HMCN1: variants seen among roughly 807,000 people sequenced by gnomAD.
The protein encoded by HMCN1 is hemicentin 1, also known as hemicentin-1.
Under a neutral mutation model 625.9 loss-of-function variants are expected in HMCN1, and 321 were observed. The ratio of observed to expected loss-of-function variants is 0.51; its 90% CI spans 0.47 to 0.56. The LOEUF is 0.56. HMCN1 is among the 20% of genes least tolerant of loss of function. HMCN1 has a pLI of 0.00. For missense variants in HMCN1, 6,588 were observed against 6,887.3 expected, an observed-to-expected ratio of 0.96 and a Z score of 1.54; for synonymous variants, 2,425 against 2,417.6, an observed-to-expected ratio of 1.00 and a Z score of -0.09.
At chr1:185,797,382 G>T (rs1183872922) in intron 1 of HMCN1, among the ~76,000 whole-genome samples, 2 of 152,184 alleles carry the variant, frequency 1.3e-5, no homozygotes, top group Non-Finnish European at 2.9e-5. Context: ...TCAGATCAAT[G>T]TAACCTCAAA....
intron 42 of HMCN1, among the ~76,000 whole-genome samples, chr1:186,049,721 T>G (rs114034207): frequency 6.6e-6 from 1 of 152,210 alleles, no homozygotes; most frequent in African/African-American, 2.4e-5. Context: ...ATTTATAGTT[T>G]ATTCACATAT....
intron 1 of HMCN1, among the ~76,000 whole-genome samples, chr1:185,768,920 A>G (rs1030184591): frequency 8.5e-5 from 13 of 152,230 alleles, no homozygotes; most frequent in Admixed American, 2.0e-4. Flanking sequence ...CTTCTAGTAG[A>G]AAAGACGAAA....
intron 4 of HMCN1, among the ~76,000 whole-genome samples, chr1:185,879,758 T>C (rs1483247986): frequency 6.6e-6 from 1 of 152,116 alleles, no homozygotes; most frequent in Non-Finnish European, 1.5e-5. Context: ...GGCAAGTTCA[T>C]TGGTTGGCCT....
At chr1:185,997,291 C>T (rs1652856260) in intron 24 of HMCN1, 138 bp from the exon 25 acceptor site, 1 of 693,760 alleles carries the variant, frequency 1.4e-6, no homozygotes, top group Admixed American at 2.1e-5. Context: ...AAATGTTTGG[C>T]AACTGGAAAT....
At position 186,103,382 on chromosome 1, in the gene HMCN1, G is replaced by A. The variant is rs1445697893; in HGVS notation, c.10574-90G>A. ...TCTAATCAATTTTTATCATGTGAAT[G>A]TGAATTTGTGTTGGATTTTCAAGTT... On this transcript the variant is annotated intron_variant, in intron 68 of 106. Transcript: ENST00000271588. 1.1e-5 allele frequency: 11 copies of A among 1,012,222 alleles called. No individual in the cohort carries two copies. In the East Asian group the frequency reaches 2.4e-4, roughly 23 times the overall value. The allele number at this position is 1,012,222 out of a possible 1,614,324, so 62.7% of individuals were successfully genotyped here.
Position 186,145,409 on chromosome 1 carries a change from G to A in HMCN1, c.14273G>A (p.Gly4758Asp). 1 of 1,575,206 alleles carries A rather than the reference G, an allele frequency of 6.3e-7. No individual in the cohort carries two copies. The highest frequency in any genetic ancestry group is 8.6e-7 in the Non-Finnish European group (1 of 1,161,536). ...FCNSDPCPTH[G>D]NWSPWSGWGT... ...AGATTATTCTGTCTTGTAGCCCATG[G>A]TAACTGGAGTCCTTGGAGTGGCTGG... is the stretch of plus-strand genomic sequence containing the variant. The change falls in exon 92 of 107, where the codon GGT (glycine) becomes GAT (aspartate). Residue 4758 changes from glycine to aspartate, a missense_variant. Gly to Asp is a moderately conservative substitution (Grantham distance 94). This residue lies in a region of HMCN1 where 1,954 missense variants were observed against 2,013.1 expected (regional missense o/e 0.97). Transcript: ENST00000271588.
intron 1 of HMCN1, among the ~76,000 whole-genome samples, chr1:185,819,070 C>T (rs1361528092): frequency 1.3e-5 from 2 of 151,906 alleles, no homozygotes; most frequent in African/African-American, 2.4e-5. Flanking sequence ...AACCCCATCT[C>T]TACTAAAAAT....
intron 45 of HMCN1, 78 bp downstream of exon 45, chr1:186,055,752 A>G (rs1657276420): frequency 7.5e-7 from 1 of 1,331,206 alleles, no homozygotes; most frequent in Admixed American, 1.7e-5. Context: ...ATAGGCCTCA[A>G]GTACTGAAAG....
intron 1 of HMCN1, among the ~76,000 whole-genome samples, chr1:185,817,362 A>G (rs1659907853): frequency 1.3e-5 from 2 of 152,100 alleles, no homozygotes; most frequent in South Asian, 4.1e-4. Context: ...CTCCAGGTTG[A>G]TGGGACAGTT....
intron 4 of HMCN1, among the ~76,000 whole-genome samples, chr1:185,874,591 C>T (rs1020517571): frequency 6.6e-6 from 1 of 151,906 alleles, no homozygotes; most frequent in African/African-American, 2.4e-5. Flanking sequence ...CATGATTTGG[C>T]TTTGTGACAA....
At chr1:185,792,475 A>C (rs59175860) in intron 1 of HMCN1, among the ~76,000 whole-genome samples, 13,662 of 152,128 alleles carry the variant, frequency 0.09, 1,964 homozygotes, top group African/African-American at 0.31. Context: ...TTTGGTATTT[A>C]AATATCTCAG....
At chr1:185,866,628 G>C (rs960539615) in intron 4 of HMCN1, among the ~76,000 whole-genome samples, 1 of 151,506 alleles carries the variant, frequency 6.6e-6, no homozygotes, top group Non-Finnish European at 1.5e-5. Context: ...GGATGATCTC[G>C]ATCTCCTGAC....
chr1:185,816,650 C>A (rs906072034), intron 1 of HMCN1, among the ~76,000 whole-genome samples: 2 of 152,172 alleles, frequency 1.3e-5, no homozygotes, highest in Admixed American at 6.5e-5. Context: ...AACATCCTAG[C>A]AGAGAAAATG....
At chr1:186,162,607 C>G (rs1328882169) in intron 97 of HMCN1, among the ~76,000 whole-genome samples, 1 of 152,150 alleles carries the variant, frequency 6.6e-6, no homozygotes, top group East Asian at 1.9e-4. Context: ...GGTGTCCTTT[C>G]TGTTTGTTAG....
chr1:186,179,828 G>C (rs747168947), intron 104 of HMCN1, among the ~76,000 whole-genome samples: 2 of 151,976 alleles, frequency 1.3e-5, no homozygotes, highest in South Asian at 2.1e-4. Flanking sequence ...TTCTCAGATG[G>C]ACTTCTTGGT....
intron 1 of HMCN1, among the ~76,000 whole-genome samples, chr1:185,802,971 G>T (rs1658898147): frequency 6.6e-6 from 1 of 151,790 alleles, no homozygotes; most frequent in Non-Finnish European, 1.5e-5. Flanking sequence ...GGAGTATTTG[G>T]ATATATGCAG....
intron 1 of HMCN1, among the ~76,000 whole-genome samples, chr1:185,831,566 G>T (rs546649693): frequency 6.6e-6 from 1 of 152,106 alleles, no homozygotes; most frequent in South Asian, 2.1e-4. Context: ...AGAAATTAGA[G>T]ATATAAAAGT....
chr1:186,031,606 AC>A (rs879286962), intron 36 of HMCN1, among the ~76,000 whole-genome samples: 1 of 151,580 alleles, frequency 6.6e-6, no homozygotes, highest in Non-Finnish European at 1.5e-5. Context: ...TTCTTTCTGT[AC>A]CTTTCTCCTT....
At chr1:186,023,922 T>C (rs1197072204) in intron 36 of HMCN1, among the ~76,000 whole-genome samples, 1 of 152,212 alleles carries the variant, frequency 6.6e-6, no homozygotes, top group Non-Finnish European at 1.5e-5. Flanking sequence ...GTCAAAAATA[T>C]TTAACAAATA....
Sources: allele counts gnomAD v4.1 joint callset (sites outside exome capture counted in the v4.1 genomes callset), GRCh38; gene constraint gnomAD v4.1.1; regional missense constraint gnomAD v4.1.1; transcripts MANE v1.5; gene names NCBI Gene and HGNC (gene_info 2026-07-23, HGNC 2026-07-21).